The following CAMTA1 variants were observed in gnomAD, a reference collection of about 807,000 sequenced individuals.
The protein encoded by CAMTA1 is calmodulin binding transcription activator 1.
A neutral mutation model predicts 170.9 loss-of-function variants in CAMTA1; 27 were observed. The ratio of observed to expected loss-of-function variants is 0.16; its 90% CI spans 0.12 to 0.22. The LOEUF (loss-of-function observed/expected upper bound fraction) is 0.22. CAMTA1 is among the 10% of genes least tolerant of loss of function. CAMTA1 has a pLI of 1.00. For synonymous variants in CAMTA1, 833 were observed against 891.5 expected (o/e 0.93, Z 1.17); for missense variants, 1,619 against 2,217.2 (o/e 0.73, Z 5.42).
chr1:7,521,285 T>C (rs1350556557), intron 6 of CAMTA1, among the ~76,000 whole-genome samples: 1 of 152,208 alleles, frequency 6.6e-6, no homozygotes, highest in African/African-American at 2.4e-5. Context: ...AAATTTTTAG[T>C]GAGATAATTG....
intron 5 of CAMTA1, among the ~76,000 whole-genome samples, chr1:7,350,799 T>A (rs1434646651): frequency 6.6e-6 from 1 of 152,246 alleles, no homozygotes; most frequent in Non-Finnish European, 1.5e-5. Context: ...CACCATGCTT[T>A]GTACAAAAGA....
chr1:7,621,569 G>C (rs1481999498), intron 6 of CAMTA1, among the ~76,000 whole-genome samples: 1 of 152,218 alleles, frequency 6.6e-6, no homozygotes, highest in Non-Finnish European at 1.5e-5. Flanking sequence ...TCCCCTCAAA[G>C]TTAATAAGAA....
chr1:6,826,337 C>A (rs767583367), intron 3 of CAMTA1, among the ~76,000 whole-genome samples: 1 of 152,172 alleles, frequency 6.6e-6, no homozygotes, highest in African/African-American at 2.4e-5. Flanking sequence ...TACATTTTCC[C>A]GTCAGACAGA....
intron 3 of CAMTA1, among the ~76,000 whole-genome samples, chr1:6,871,237 T>C (rs1668321776): frequency 6.6e-6 from 1 of 152,214 alleles, no homozygotes; most frequent in Non-Finnish European, 1.5e-5. Context: ...GCAGTGAAAG[T>C]TGAATGTGAG....
chr1:6,806,693 A>G (rs1246709558), intron 1 of CAMTA1, among the ~76,000 whole-genome samples: 4 of 152,056 alleles, frequency 2.6e-5, no homozygotes, highest in East Asian at 1.9e-4. Flanking sequence ...TTTGATGTGA[A>G]AGTTTGCTGA....
intron 3 of CAMTA1, among the ~76,000 whole-genome samples, chr1:6,829,765 C>T (rs929476911): frequency 1.7e-4 from 26 of 152,340 alleles, no homozygotes; most frequent in Admixed American, 1.5e-3. Context: ...CTTTGAGTCC[C>T]ATAATCCCTC....
At chr1:7,464,769 C>T (rs976488882) in intron 5 of CAMTA1, among the ~76,000 whole-genome samples, 6 of 152,120 alleles carry the variant, frequency 3.9e-5, no homozygotes, top group African/African-American at 7.2e-5. Context: ...AGGAGCATCC[C>T]GAGGGTTCCA....
Position 7,547,383 on chromosome 1 carries a change from C to CAT in CAMTA1, c.510+79483_510+79484insTA, listed in dbSNP as rs2094710849. ...ACACACACACACACACACACACACA[C>CAT]ACACACAGAGTTGGCCTTCCACATT... On this transcript the variant is annotated intron_variant, in intron 6 of 22. Transcript: ENST00000303635. This position sits in a 1 kb window ranked among gnomAD's most constrained non-coding sequence, Gnocchi z 5.7. Among the ~76,000 whole-genome samples, 2 of 141,670 alleles carry CAT rather than the reference C, an allele frequency of 1.4e-5. No individual in the cohort carries two copies. Among genetic ancestry groups the CAT allele is most frequent in the African/African-American group, 5.1e-5 (2 of 39,512 alleles). The allele number at this position is 141,670 out of a possible 152,430, so 92.9% of individuals were successfully genotyped here.
rs772713815 is a variant in CAMTA1 at position 7,680,283 on chromosome 1, GC to G, written c.2914+2554del. The G allele has an allele frequency of 7.8e-5, 16 of 205,248 alleles. No individual in the cohort carries two copies. Among genetic ancestry groups the G allele is most frequent in the Non-Finnish European group, 1.7e-4 (16 of 95,156 alleles). The allele number at this position is 205,248 out of a possible 1,614,324, so 12.7% of individuals were successfully genotyped here. A position where few individuals can be genotyped will look rare whatever the true frequency, so the allele number is the denominator to read the frequency against. Reference sequence around the variant, plus strand: ...TCGGTCTCCGCAGCTTCTCGGCTCAGCCCCTCCCGTCCCCGCGGGCGCTGGG... The same window carrying G: ...TCGGTCTCCGCAGCTTCTCGGCTCAGCCCTCCCGTCCCCGCGGGCGCTGGG... On this transcript the variant is annotated intron_variant, in intron 11 of 22. Coordinates refer to ENST00000303635, the MANE Select transcript of CAMTA1 (RefSeq NM_015215.4). The surrounding 1 kb of genome is among the most constrained non-coding windows in gnomAD (Gnocchi z 4.4).
rs929854075 is a variant in CAMTA1, at chr1:7,224,810, C to A, written c.303-24681C>A. Among the ~76,000 whole-genome samples the A allele has an allele frequency of 7.0e-6, 1 of 141,872 alleles. No individual in the cohort carries two copies. The highest frequency in any genetic ancestry group is 1.5e-5 in the Non-Finnish European group (1 of 68,030). The allele number at this position is 141,872 out of a possible 152,430, so 93.1% of individuals were successfully genotyped here. On this transcript the variant is annotated intron_variant, in intron 4 of 22. Transcript: ENST00000303635. The surrounding 1 kb of genome is among the most constrained non-coding windows in gnomAD (Gnocchi z 5.2). The stretch of plus-strand genomic sequence containing the variant: ...GCCCTGCTCCGTAGCTGCTCCATGT[C>A]GTCTGGATGGTCCGTTGGCACCCTG...
At chr1:7,503,789 T>G (rs530244977) in intron 6 of CAMTA1, among the ~76,000 whole-genome samples, 1 of 152,272 alleles carries the variant, frequency 6.6e-6, no homozygotes, top group African/African-American at 2.4e-5. Flanking sequence ...CCACCCACAG[T>G]GATGCCCACT....
At chr1:6,972,355 T>C (rs1692699529) in intron 3 of CAMTA1, among the ~76,000 whole-genome samples, 1 of 152,236 alleles carries the variant, frequency 6.6e-6, no homozygotes, top group South Asian at 2.1e-4. Flanking sequence ...AGACATTTAC[T>C]CATGCCTTTG....
At chr1:7,310,692 C>T (rs1428749845) in intron 5 of CAMTA1, among the ~76,000 whole-genome samples, 13 of 46,634 alleles carry the variant, frequency 2.8e-4, no homozygotes, top group African/African-American at 8.8e-4. Context: ...CTCTCTCTCT[C>T]TCTCTCTCTC....
chr1:7,669,588 C>G (rs2096036615), intron 9 of CAMTA1, among the ~76,000 whole-genome samples: 1 of 152,174 alleles, frequency 6.6e-6, no homozygotes, highest in Non-Finnish European at 1.5e-5. Flanking sequence ...CTCACAGCAG[C>G]TCCTCACCCC....
At chr1:7,267,826 C>T (rs548705875) in intron 5 of CAMTA1, among the ~76,000 whole-genome samples, 2 of 152,310 alleles carry the variant, frequency 1.3e-5, no homozygotes, top group East Asian at 3.9e-4. Context: ...CATTCTGATG[C>T]ATGTTCCCCT....
intron 5 of CAMTA1, among the ~76,000 whole-genome samples, chr1:7,287,824 T>C (rs1672565519): frequency 6.6e-6 from 1 of 152,166 alleles, no homozygotes; most frequent in Non-Finnish European, 1.5e-5. Flanking sequence ...CTAGAGTCCT[T>C]GTTTCTCATC....
intron 6 of CAMTA1, among the ~76,000 whole-genome samples, chr1:7,639,548 G>A (rs990167294): frequency 2.6e-5 from 4 of 152,252 alleles, no homozygotes; most frequent in South Asian, 2.1e-4. Context: ...TGAGGTGGGC[G>A]GATTGCTTGA....
chr1:6,846,836 G>T (rs1368774891), intron 3 of CAMTA1, among the ~76,000 whole-genome samples: 1 of 152,102 alleles, frequency 6.6e-6, no homozygotes, highest in Non-Finnish European at 1.5e-5. Context: ...TGTAAGTCTG[G>T]CTAATTGGAA....
At chr1:7,210,261 G>A (rs978404146) in intron 4 of CAMTA1, among the ~76,000 whole-genome samples, 6 of 152,118 alleles carry the variant, frequency 3.9e-5, no homozygotes, top group Non-Finnish European at 8.8e-5. Context: ...CAATTCTTCA[G>A]TCTTTGTCTT....
Sources: allele counts gnomAD v4.1 joint callset (sites outside exome capture counted in the v4.1 genomes callset), GRCh38; gene constraint gnomAD v4.1.1; non-coding constraint Gnocchi (gnomAD v3.1); transcripts MANE v1.5; gene names NCBI Gene and HGNC (gene_info 2026-07-23, HGNC 2026-07-21).